The following GPHN variants were observed in gnomAD, a reference collection of about 807,000 sequenced individuals.
The protein encoded by GPHN is gephyrin.
In GPHN, 17 loss-of-function variants were observed where a neutral mutation model predicts 95.5. The observed-to-expected ratio is 0.18, with a 90% CI of 0.12 to 0.27. The LOEUF is 0.27. Among genes scored for constraint, GPHN ranks in the 10% least tolerant of loss-of-function variants. GPHN has a pLI of 1.00. For missense variants in GPHN, 660 were observed against 978.1 expected (o/e 0.67, Z 4.34); for synonymous variants, 320 against 322.5 (o/e 0.99, Z 0.08).
At chr14:66,586,369 A>G (rs1456385506) in intron 1 of GPHN, among the ~76,000 whole-genome samples, 1 of 152,058 alleles carries the variant, frequency 6.6e-6, no homozygotes, top group Non-Finnish European at 1.5e-5. Context: ...TTTTAATTGG[A>G]GCATTTAGCC....
intron 3 of GPHN, among the ~76,000 whole-genome samples, chr14:66,780,109 G>C (rs2153463243): frequency 6.6e-6 from 1 of 152,292 alleles, no homozygotes; most frequent in Non-Finnish European, 1.5e-5. Flanking sequence ...TCAGATTTCT[G>C]GCTTGGGAAA....
chr14:67,701,590 C>A, the GPHN span, among the ~76,000 whole-genome samples: 2 of 151,704 alleles, frequency 1.3e-5, no homozygotes, highest in East Asian at 1.9e-4. Flanking sequence ...TACCTGGCTA[C>A]TTTTTGTATT....
the GPHN span, among the ~76,000 whole-genome samples, chr14:67,366,808 A>T: frequency 1.3e-5 from 2 of 148,794 alleles, no homozygotes; most frequent in Non-Finnish European, 2.9e-5. Flanking sequence ...CCAAAATTGA[A>T]AATTTGAAGG....
At chr14:66,754,151 A>G (rs925004995) in intron 2 of GPHN, among the ~76,000 whole-genome samples, 81 of 152,070 alleles carry the variant, frequency 5.3e-4, no homozygotes, top group African/African-American at 1.9e-3. Flanking sequence ...TCTATTATCA[A>G]TAATGGTATG....
chr14:67,127,831 TAAAG>T (rs893155557), intron 17 of GPHN, among the ~76,000 whole-genome samples: 8 of 152,170 alleles, frequency 5.3e-5, no homozygotes, highest in African/African-American at 1.4e-4. Context: ...AGAGATTAAA[TAAAG>T]AGAAATATTG....
intron 1 of GPHN, among the ~76,000 whole-genome samples, chr14:66,646,742 G>C (rs182729249): frequency 6.6e-6 from 1 of 152,028 alleles, no homozygotes; most frequent in Non-Finnish European, 1.5e-5. Context: ...AGGAAATGGG[G>C]AGCTGTTGTT....
chr14:67,323,261 G>GTGTGTGTGTATA, the GPHN span, among the ~76,000 whole-genome samples: 6 of 124,140 alleles, frequency 4.8e-5, no homozygotes, highest in Non-Finnish European at 1.1e-4. Flanking sequence ...GTGTGTGTGT[G>GTGTGTGTGTATA]TATATATATA....
the GPHN span, among the ~76,000 whole-genome samples, chr14:67,219,726 T>C: frequency 0.011 from 1,605 of 152,286 alleles, 27 homozygotes; most frequent in African/African-American, 0.036. Context: ...TAAAAGATCT[T>C]GAGAATTAAC....
At chr14:67,712,391 G>A in the GPHN span, among the ~76,000 whole-genome samples, 10 of 148,988 alleles carry the variant, frequency 6.7e-5, no homozygotes, top group East Asian at 1.2e-3. Context: ...ACATTTCTAA[G>A]TGTCTAAGCT....
At chr14:67,389,646 ATG>A in the GPHN span, among the ~76,000 whole-genome samples, 1 of 152,042 alleles carries the variant, frequency 6.6e-6, no homozygotes. Context: ...ATAGGCACGT[ATG>A]TGTGTGTATA....
the GPHN span, among the ~76,000 whole-genome samples, chr14:67,427,194 C>G: frequency 6.6e-6 from 1 of 152,152 alleles, no homozygotes; most frequent in Non-Finnish European, 1.5e-5. Flanking sequence ...AAAAGCTACA[C>G]TGTAATATTT....
At position 66,525,323 on chromosome 14, in the gene GPHN, A is replaced by G. The variant is rs557094281; in HGVS notation, c.64+16732A>G. 2.8e-4 allele frequency among the ~76,000 whole-genome samples: 42 copies of G among 152,068 alleles called. No individual in the cohort carries two copies. In the East Asian group the frequency reaches 3.1e-3, roughly 11 times the overall value. ...TGAGAAGTGTCTGTTCATATCCTTCACCCACTTTTTGGTGGGGTTGTTTTT... is the reference window on the plus strand; with the variant it reads ...TGAGAAGTGTCTGTTCATATCCTTCGCCCACTTTTTGGTGGGGTTGTTTTT... On this transcript the variant is annotated intron_variant, in intron 1 of 22. Transcript: ENST00000478722.
At chr14:66,947,110 C>G (rs1007463691) in intron 8 of GPHN, among the ~76,000 whole-genome samples, 1 of 152,202 alleles carries the variant, frequency 6.6e-6, no homozygotes, top group Non-Finnish European at 1.5e-5. Context: ...CTGGCTCCTC[C>G]CTGATTTCTA....
chr14:66,607,392 G>A (rs191739213), intron 1 of GPHN, among the ~76,000 whole-genome samples: 2 of 150,808 alleles, frequency 1.3e-5, no homozygotes, highest in Non-Finnish European at 3.0e-5. Flanking sequence ...TTGTATTTTT[G>A]TGTTTTTTTT....
rs56111235 is a variant in GPHN at position 66,834,568 on chromosome 14, C to T, written c.294+10002C>T. Among the ~76,000 whole-genome samples, 8 of 150,858 alleles carry T rather than the reference C, an allele frequency of 5.3e-5. No individual in the cohort carries two copies. In the South Asian group the frequency reaches 1.5e-3, roughly 28 times the overall value. ...ATGCTGGATTACATTTATTGATTTG[C>T]GTATATTGAACCAGCCTTGCATCCC... On this transcript the variant is annotated intron_variant, in intron 4 of 22. Coordinates refer to ENST00000478722, the MANE Select transcript of GPHN (RefSeq NM_020806.5).
intron 11 of GPHN, among the ~76,000 whole-genome samples, chr14:67,080,325 T>C (rs1033816985): frequency 3.3e-5 from 5 of 152,108 alleles, no homozygotes; most frequent in African/African-American, 9.7e-5. Context: ...TTACTAGATA[T>C]ATGATTTGCA....
rs1400281401 is a variant in GPHN at position 66,683,351 on chromosome 14, T to TGTTCATATATATGTTC, written c.143+2166_143+2167insGTTCATATATATGTTC. On this transcript the variant is annotated intron_variant, in intron 2 of 22. Coordinates refer to ENST00000478722, the MANE Select transcript of GPHN (RefSeq NM_020806.5). ...GGAAATATATATATATATATATATA[T>TGTTCATATATATGTTC]ATATATATATATATATATATATATA... is the stretch of plus-strand genomic sequence containing the variant. Among the ~76,000 whole-genome samples, 6 of 90,030 alleles carry TGTTCATATATATGTTC rather than the reference T, an allele frequency of 6.7e-5. 1 individual carries two copies. The highest frequency in any genetic ancestry group is 4.1e-4 in the African/African-American group (6 of 14,592). 59.1% of individuals were successfully genotyped at this position (90,030 alleles called of 152,430 possible).
chr14:67,419,090 G>C, the GPHN span, among the ~76,000 whole-genome samples: 2 of 152,212 alleles, frequency 1.3e-5, no homozygotes, highest in Non-Finnish European at 2.9e-5. Context: ...CTGTGTGCAC[G>C]GGCAGGGCTG....
At chr14:67,349,474 G>A in the GPHN span, among the ~76,000 whole-genome samples, 2 of 152,166 alleles carry the variant, frequency 1.3e-5, no homozygotes, top group South Asian at 2.1e-4. Context: ...TTAAGCTGGC[G>A]TTCAATTCCT....
Sources: gnomAD v4.1 joint callset for allele counts (sites outside exome capture counted in the v4.1 genomes callset) on GRCh38, gnomAD v4.1.1 for gene constraint, MANE v1.5 for transcripts, NCBI Gene and HGNC (gene_info 2026-07-23, HGNC 2026-07-21) for gene names.